Variants in FRMD4B observed in about 807,000 individuals in gnomAD.
FRMD4B encodes FERM domain-containing protein 4B.
A neutral mutation model predicts 141.5 loss-of-function variants in FRMD4B; 74 were observed. That is an observed-to-expected ratio of 0.52 (90% CI 0.43 to 0.63). FRMD4B has a LOEUF of 0.63. Among genes scored for constraint, FRMD4B ranks in the 30% least tolerant of loss-of-function variants. The pLI is 0.00. For synonymous variants in FRMD4B, 506 were observed against 467.9 expected, an observed-to-expected ratio of 1.08 and a Z score of -1.05; for missense variants, 1,366 against 1,253.4, an observed-to-expected ratio of 1.09 and a Z score of -1.36.
chr3:69,422,144 C>G (rs1304274042), intron 2 of FRMD4B, among the ~76,000 whole-genome samples: 2 of 151,736 alleles, frequency 1.3e-5, no homozygotes, highest in Non-Finnish European at 2.9e-5. Context: ...AATCCCAGCA[C>G]TTTGGGAGGC....
At chr3:69,323,673 A>G (rs1369939961) in intron 1 of FRMD4B, among the ~76,000 whole-genome samples, 5 of 141,130 alleles carry the variant, frequency 3.5e-5, no homozygotes, top group Admixed American at 7.2e-5. Flanking sequence ...ATGAATTTTC[A>G]TAAGAACTCT....
At chr3:69,473,153 A>C (rs774243171) in intron 1 of FRMD4B, among the ~76,000 whole-genome samples, 6 of 151,962 alleles carry the variant, frequency 3.9e-5, no homozygotes, top group Non-Finnish European at 8.8e-5. Flanking sequence ...TTCAGAAGTA[A>C]TTTATCTGAC....
intron 1 of FRMD4B, among the ~76,000 whole-genome samples, chr3:69,494,693 A>G (rs961128910): frequency 2.4e-4 from 37 of 152,092 alleles, no homozygotes; most frequent in Non-Finnish European, 4.9e-4. Flanking sequence ...GGGGTTTGAG[A>G]CCAGCCTGAC....
chr3:69,396,550 G>A (rs1704476963), intron 2 of FRMD4B, among the ~76,000 whole-genome samples: 1 of 151,902 alleles, frequency 6.6e-6, no homozygotes, highest in African/African-American at 2.4e-5. Flanking sequence ...TCTTTGAAGA[G>A]AAGAAACATC....
At chr3:69,244,724 T>A (rs2106736474) in intron 7 of FRMD4B, among the ~76,000 whole-genome samples, 1 of 151,888 alleles carries the variant, frequency 6.6e-6, no homozygotes, top group African/African-American at 2.4e-5. Context: ...TGAAAACTTG[T>A]CTCTACTAAA....
At chr3:69,374,653 T>C (rs967247932) in intron 1 of FRMD4B, among the ~76,000 whole-genome samples, 1 of 152,226 alleles carries the variant, frequency 6.6e-6, no homozygotes, top group Non-Finnish European at 1.5e-5. Context: ...AACAATTTCC[T>C]GTCAGAGAGA....
intron 11 of FRMD4B, among the ~76,000 whole-genome samples, chr3:69,208,639 C>G (rs1444675308): frequency 6.6e-6 from 1 of 152,102 alleles, no homozygotes; most frequent in Non-Finnish European, 1.5e-5. Context: ...GAGGCTTTCC[C>G]TGAACACACC....
intron 7 of FRMD4B, among the ~76,000 whole-genome samples, chr3:69,227,942 T>C (rs2093270147): frequency 6.6e-6 from 1 of 152,246 alleles, no homozygotes; most frequent in Non-Finnish European, 1.5e-5. Context: ...AGGAACTCTC[T>C]GTACTTTTCA....
intron 11 of FRMD4B, among the ~76,000 whole-genome samples, chr3:69,205,042 ATC>A (rs1352188373): frequency 8.8e-6 from 1 of 113,654 alleles, no homozygotes; most frequent in African/African-American, 3.7e-5. Flanking sequence ...CTGTATGGGT[ATC>A]TGTTATGTTT....
chr3:69,258,942 G>C (rs1292424916), intron 5 of FRMD4B, among the ~76,000 whole-genome samples: 2 of 152,112 alleles, frequency 1.3e-5, no homozygotes, highest in Non-Finnish European at 2.9e-5. Flanking sequence ...TTGGCACCAG[G>C]GACCAGTTTT....
At chr3:69,413,927 A>G (rs1575793617) in intron 2 of FRMD4B, among the ~76,000 whole-genome samples, 1 of 152,202 alleles carries the variant, frequency 6.6e-6, no homozygotes, top group East Asian at 1.9e-4. Flanking sequence ...TTTTGTTTAC[A>G]TTAATGTCAT....
chr3:69,502,827 C>G (rs905972038), intron 1 of FRMD4B, among the ~76,000 whole-genome samples: 1 of 152,010 alleles, frequency 6.6e-6, no homozygotes, highest in East Asian at 1.9e-4. Flanking sequence ...AGAACTCAAA[C>G]AAATTTACAA....
chr3:69,521,751 C>T (rs1019119073), intron 1 of FRMD4B, among the ~76,000 whole-genome samples: 4 of 152,172 alleles, frequency 2.6e-5, no homozygotes, highest in African/African-American at 4.8e-5. Flanking sequence ...CTGCACTCAC[C>T]ATACCCTCTT....
chr3:69,304,457 T>C lies in FRMD4B; in HGVS notation c.324-2022A>G, dbSNP rs190707518. ...CGAGGTCATGCCACTACACTCCAGC[T>C]TGCACGACAGAGCAAGATTCTATCT... On this transcript the variant is annotated intron_variant, in intron 3 of 22. Coordinates refer to ENST00000398540, the MANE Select transcript of FRMD4B (RefSeq NM_015123.3). Among the ~76,000 whole-genome samples, 634 of 145,880 alleles carry C rather than the reference T, an allele frequency of 4.3e-3. 4 individuals are homozygous for C. The highest frequency in any genetic ancestry group is 0.014 in the African/African-American group (552 of 38,904).
upstream of FRMD4B, among the ~76,000 whole-genome samples, chr3:69,387,696 AG>A (rs1393097881): frequency 6.6e-6 from 1 of 152,240 alleles, no homozygotes; most frequent in East Asian, 1.9e-4. Flanking sequence ...ATCTTAATTC[AG>A]GTGAAACTCA....
chr3:69,299,138 T>G (rs1021676518), intron 4 of FRMD4B, among the ~76,000 whole-genome samples: 1 of 152,132 alleles, frequency 6.6e-6, no homozygotes, highest in African/African-American at 2.4e-5. Context: ...GAACACAACG[T>G]AGCAAAACTC....
chr3:69,489,989 A>T (rs1012431909), intron 1 of FRMD4B, among the ~76,000 whole-genome samples: 1 of 152,236 alleles, frequency 6.6e-6, no homozygotes, highest in African/African-American at 2.4e-5. Flanking sequence ...CAATCTTATG[A>T]TCCCACATAT....
At chr3:69,358,147 G>A (rs1575762366) in intron 1 of FRMD4B, among the ~76,000 whole-genome samples, 2 of 152,134 alleles carry the variant, frequency 1.3e-5, no homozygotes, top group East Asian at 3.8e-4. Flanking sequence ...TTATCAATCT[G>A]TATGTCAGAG....
chr3:69,488,073 A>G (rs1488541384), intron 1 of FRMD4B, among the ~76,000 whole-genome samples: 1 of 152,004 alleles, frequency 6.6e-6, no homozygotes, highest in Non-Finnish European at 1.5e-5. Flanking sequence ...AGAAAGAAAG[A>G]AAAGAAAGAA....
Sources: allele counts gnomAD v4.1 joint callset (sites outside exome capture counted in the v4.1 genomes callset), GRCh38; gene constraint gnomAD v4.1.1; transcripts MANE v1.5; gene names NCBI Gene and HGNC (gene_info 2026-07-23, HGNC 2026-07-21).